The following ULK4 variants were observed in gnomAD, a reference collection of about 807,000 sequenced individuals.
The protein encoded by ULK4 is inactive serine/threonine-protein kinase ULK4.
In ULK4, 133 loss-of-function variants were observed where a neutral mutation model predicts 160.6. The observed-to-expected ratio is 0.83, with a 90% CI of 0.72 to 0.96. ULK4 has a LOEUF of 0.96. Among genes scored for constraint, ULK4 ranks in the 40% least tolerant of loss-of-function variants. The pLI, the probability that ULK4 is intolerant of heterozygous loss-of-function variation, is 0.00. For synonymous variants in ULK4, 534 were observed against 539.8 expected, an observed-to-expected ratio of 0.99 and a Z score of 0.15; for missense variants, 1,580 against 1,499.5, an observed-to-expected ratio of 1.05 and a Z score of -0.89.
At chr3:41,761,556 A>G (rs1443150073) in intron 21 of ULK4, among the ~76,000 whole-genome samples, 1 of 151,800 alleles carries the variant, frequency 6.6e-6, no homozygotes, top group Non-Finnish European at 1.5e-5. Context: ...CACTACTGTC[A>G]GTCTGAGACT....
chr3:41,623,687 T>A (rs928527171), intron 30 of ULK4, among the ~76,000 whole-genome samples: 1 of 152,158 alleles, frequency 6.6e-6, no homozygotes, highest in Non-Finnish European at 1.5e-5. Context: ...AGAATGGTGG[T>A]TACCAGAGTG....
intron 35 of ULK4, among the ~76,000 whole-genome samples, chr3:41,299,424 T>C (rs2079738717): frequency 6.6e-6 from 1 of 152,180 alleles, no homozygotes; most frequent in Non-Finnish European, 1.5e-5. Flanking sequence ...TTTAAAGAGT[T>C]CAGGTATTCC....
chr3:41,370,372 T>C (rs773908412), intron 35 of ULK4, among the ~76,000 whole-genome samples: 1 of 152,156 alleles, frequency 6.6e-6, no homozygotes, highest in Non-Finnish European at 1.5e-5. Context: ...GATGGCCAAA[T>C]AGGAGCAGCT....
intron 22 of ULK4, among the ~76,000 whole-genome samples, chr3:41,746,288 A>G (rs939143367): frequency 5.4e-5 from 8 of 148,882 alleles, no homozygotes; most frequent in Non-Finnish European, 7.4e-5. Context: ...AAAAAAAAAA[A>G]AAAAAAAACC....
At chr3:41,392,520 A>G (rs1469891788) in intron 35 of ULK4, among the ~76,000 whole-genome samples, 1 of 152,096 alleles carries the variant, frequency 6.6e-6, no homozygotes, top group Non-Finnish European at 1.5e-5. Context: ...TCTAACAACC[A>G]TGGTTTACCA....
At chr3:41,274,649 G>T (rs1435516521) in intron 35 of ULK4, among the ~76,000 whole-genome samples, 1 of 152,178 alleles carries the variant, frequency 6.6e-6, no homozygotes, top group African/African-American at 2.4e-5. Context: ...GTGGGCCTTG[G>T]CCTAGAATAC....
intron 17 of ULK4, among the ~76,000 whole-genome samples, chr3:41,869,956 C>G (rs558001341): frequency 7.9e-5 from 12 of 152,232 alleles, no homozygotes; most frequent in African/African-American, 2.4e-4. Flanking sequence ...TTATTGTTGA[C>G]AGTATTTTCA....
intron 13 of ULK4, among the ~76,000 whole-genome samples, chr3:41,898,807 T>C (rs990420374): frequency 2.6e-5 from 4 of 152,266 alleles, no homozygotes; most frequent in African/African-American, 9.6e-5. Context: ...ATCTATTGGG[T>C]ACCTGCCAAG....
intron 35 of ULK4, among the ~76,000 whole-genome samples, chr3:41,305,810 G>A (rs1253629395): frequency 2.0e-5 from 3 of 149,836 alleles, no homozygotes; most frequent in African/African-American, 7.5e-5. Flanking sequence ...CATCTAGGAA[G>A]TGAGGAGCGT....
chr3:41,933,657 T>C (rs963954642), intron 4 of ULK4, among the ~76,000 whole-genome samples: 2 of 152,000 alleles, frequency 1.3e-5, no homozygotes, highest in African/African-American at 4.8e-5. Context: ...GGACAAACCC[T>C]GGCCACTGCC....
intron 32 of ULK4, among the ~76,000 whole-genome samples, chr3:41,523,174 G>A (rs919458374): frequency 6.6e-5 from 10 of 152,304 alleles, no homozygotes; most frequent in Non-Finnish European, 8.8e-5. Flanking sequence ...CTCCCAAAGT[G>A]CTAGGATTAC....
intron 35 of ULK4, among the ~76,000 whole-genome samples, chr3:41,312,547 G>C (rs2125721644): frequency 6.6e-6 from 1 of 152,194 alleles, no homozygotes; most frequent in East Asian, 1.9e-4. Flanking sequence ...TATAAACCTA[G>C]AACTTTAGGA....
At chr3:41,721,620 C>T (rs2037474662) in intron 22 of ULK4, among the ~76,000 whole-genome samples, 1 of 151,748 alleles carries the variant, frequency 6.6e-6, no homozygotes, top group Admixed American at 6.6e-5. Context: ...CCCGCCTCAG[C>T]CTCCCAAAGT....
At chr3:41,665,464 T>A (rs529070338) in intron 29 of ULK4, among the ~76,000 whole-genome samples, 6 of 152,276 alleles carry the variant, frequency 3.9e-5, no homozygotes, top group African/African-American at 1.4e-4. Context: ...ACCATAATGT[T>A]CAAAACTGGG....
At chr3:41,495,124 T>C (rs2084938871) in intron 32 of ULK4, among the ~76,000 whole-genome samples, 1 of 152,148 alleles carries the variant, frequency 6.6e-6, no homozygotes, top group African/African-American at 2.4e-5. Context: ...CATCACCAAG[T>C]CAATGCTAAG....
intron 35 of ULK4, among the ~76,000 whole-genome samples, chr3:41,268,432 T>C (rs2079081361): frequency 6.6e-6 from 1 of 152,302 alleles, no homozygotes; most frequent in East Asian, 1.9e-4. Flanking sequence ...CTTGGTTATA[T>C]CCTGTCCCAG....
At chr3:41,724,655 A>T (rs1315792855) in intron 22 of ULK4, among the ~76,000 whole-genome samples, 1 of 152,084 alleles carries the variant, frequency 6.6e-6, no homozygotes, top group African/African-American at 2.4e-5. Flanking sequence ...CCCGGGAGGC[A>T]GAGCTTGCAG....
At chr3:41,362,847 C>A (rs982767078) in intron 35 of ULK4, among the ~76,000 whole-genome samples, 1 of 152,230 alleles carries the variant, frequency 6.6e-6, no homozygotes, top group Non-Finnish European at 1.5e-5. Context: ...CACTTAGCAA[C>A]AGAGAACATT....
intron 30 of ULK4, among the ~76,000 whole-genome samples, chr3:41,619,552 G>A (rs1367071205): frequency 6.6e-6 from 1 of 152,016 alleles, no homozygotes; most frequent in African/African-American, 2.4e-5. Flanking sequence ...CAGAAATAAA[G>A]TTATTTGAGA....
Sources: allele counts gnomAD v4.1 joint callset (sites outside exome capture counted in the v4.1 genomes callset), GRCh38; gene constraint gnomAD v4.1.1; transcripts MANE v1.5; gene names NCBI Gene and HGNC (gene_info 2026-07-23, HGNC 2026-07-21).